Variants in ZNF474 observed in about 807,000 individuals in gnomAD.
The protein encoded by ZNF474 is zinc finger protein 474.
For synonymous variants in ZNF474, 192 were observed against 162.2 expected (o/e 1.18, Z -1.39); for missense variants, 511 against 433.8 (o/e 1.18, Z -1.58).
chr5:122,146,963 T>C (rs568027340), intron 1 of ZNF474, among the ~76,000 whole-genome samples: 6 of 152,364 alleles, frequency 3.9e-5, no homozygotes, highest in South Asian at 2.1e-4. Flanking sequence ...ACAAAGGAGC[T>C]TGTAGATGTG....
intron 1 of ZNF474, among the ~76,000 whole-genome samples, chr5:122,145,482 G>T (rs1338193290): frequency 6.6e-6 from 1 of 152,118 alleles, no homozygotes; most frequent in Non-Finnish European, 1.5e-5. Context: ...GTCATCTTTG[G>T]TCTATGAGTA....
In ZNF474 at chr5:122,132,632, T is replaced by C. The variant is rs116179068; in HGVS notation, c.-213+2949T>C. Among the ~76,000 whole-genome samples the C allele has an allele frequency of 2.3e-3, 351 of 152,314 alleles. 4 individuals carry two copies. The highest frequency in any genetic ancestry group is 8.3e-3 in the African/African-American group (347 of 41,584). On this transcript the variant is annotated intron_variant, in intron 1 of 1. Transcript: ENST00000296600. The stretch of plus-strand genomic sequence containing the variant: ...GTTTTATCATTTTTGCTTTTATATT[T>C]AGTTCCATGATCCATCTTGAGTTAA...
chr5:122,149,903 G>GTGTGTGTGTGTGTGTGTGTGTGTGTT (rs1186152932), intron 1 of ZNF474, among the ~76,000 whole-genome samples: 2 of 151,048 alleles, frequency 1.3e-5, no homozygotes, highest in African/African-American at 4.9e-5. Context: ...GTGTGTGTGT[G>GTGTGTGTGTGTGTGTGTGTGTGTGTT]TGTGTGTGTG....
chr5:122,138,732 C>A (rs1245931391), intron 1 of ZNF474, among the ~76,000 whole-genome samples: 2 of 151,856 alleles, frequency 1.3e-5, no homozygotes, highest in African/African-American at 4.8e-5. Flanking sequence ...ATCCCCTTGA[C>A]CCGGAAGAAA....
Position 122,151,973 on chromosome 5 carries a change from A to T in ZNF474, c.-18A>T. 6.2e-7 allele frequency: 1 copy of T among 1,600,604 alleles called. No individual in the cohort carries two copies. Among genetic ancestry groups the T allele is most frequent in the African/African-American group, 1.3e-5 (1 of 74,218 alleles). On this transcript the variant is annotated 5_prime_UTR_variant, in exon 2 of 2. Transcript: ENST00000296600. ...GGCCTGAAATCAGAGCAAGCACTACAGAAAGACATCTTTGTTAATGGAAAG... is the reference window on the plus strand; with the variant it reads ...GGCCTGAAATCAGAGCAAGCACTACTGAAAGACATCTTTGTTAATGGAAAG...
intron 1 of ZNF474, among the ~76,000 whole-genome samples, chr5:122,139,125 G>T (rs191200202): frequency 6.6e-6 from 1 of 152,092 alleles, no homozygotes; most frequent in Non-Finnish European, 1.5e-5. Flanking sequence ...TCTTATATAT[G>T]AAACATATGA....
chr5:122,130,893 A>T (rs1755559214), intron 1 of ZNF474, among the ~76,000 whole-genome samples: 2 of 152,116 alleles, frequency 1.3e-5, no homozygotes, highest in Non-Finnish European at 2.9e-5. Flanking sequence ...TTCAATTATT[A>T]TTAATTATAA....
At chr5:122,139,465 G>A (rs558461284) in intron 1 of ZNF474, among the ~76,000 whole-genome samples, 2 of 152,182 alleles carry the variant, frequency 1.3e-5, no homozygotes, top group Non-Finnish European at 2.9e-5. Context: ...AACTAAAAAG[G>A]ATCAAGATTT....
chr5:122,141,033 G>T (rs969411656), intron 1 of ZNF474, among the ~76,000 whole-genome samples: 1 of 151,604 alleles, frequency 6.6e-6, no homozygotes, highest in Non-Finnish European at 1.5e-5. Context: ...TTTTAGGTTA[G>T]GATTCCATAT....
rs146111697 is a variant in ZNF474, at chr5:122,142,642, T to C, written c.-212-9137T>C. 2.5e-3 allele frequency among the ~76,000 whole-genome samples: 375 copies of C among 152,236 alleles called. 2 individuals carry two copies. The highest frequency in any genetic ancestry group is 0.01 in the Middle Eastern group (3 of 294). The stretch of plus-strand genomic sequence containing the variant: ...ATAAGCTTTCCTGGGAAATGAGAAT[T>C]TGTAGGGCTGAGGATTCTGAATCAT... On this transcript the variant is annotated intron_variant, in intron 1 of 1. Transcript: ENST00000296600.
At chr5:122,144,069 C>T (rs1755922061) in intron 1 of ZNF474, among the ~76,000 whole-genome samples, 2 of 151,578 alleles carry the variant, frequency 1.3e-5, no homozygotes, top group Admixed American at 6.6e-5. Context: ...CTTCTATAAC[C>T]CTTTAATAAC....
At chr5:122,151,705 ATGTGTGTGTGTGTGTGTGTG>A (rs145270704) in intron 1 of ZNF474, 54 bp from the exon 2 acceptor site, 1 of 201,434 alleles carries the variant, frequency 5.0e-6, no homozygotes, top group Non-Finnish European at 9.8e-6. Flanking sequence ...AACAACCTAA[ATGTGTGTGTGTGTGTGTGTG>A]TGTGTGTGTG....
chr5:122,149,902 TG>T (rs1485380558), intron 1 of ZNF474, among the ~76,000 whole-genome samples: 1 of 150,812 alleles, frequency 6.6e-6, no homozygotes, highest in African/African-American at 2.5e-5. Context: ...TGTGTGTGTG[TG>T]TGTGTGTGTG....
At chr5:122,149,552 A>G (rs1309618149) in intron 1 of ZNF474, among the ~76,000 whole-genome samples, 2 of 152,220 alleles carry the variant, frequency 1.3e-5, no homozygotes, top group Non-Finnish European at 2.9e-5. Flanking sequence ...GAATTTAGGC[A>G]GAATGAATAA....
At chr5:122,140,671 C>T (rs1196721310) in intron 1 of ZNF474, among the ~76,000 whole-genome samples, 1 of 152,048 alleles carries the variant, frequency 6.6e-6, no homozygotes, top group Non-Finnish European at 1.5e-5. Context: ...AGTAAGGGAC[C>T]CCCATCTTTG....
rs777726363 is a variant in ZNF474, at chr5:122,152,646, C to G, written c.656C>G (p.Pro219Arg). ...GCTTGTAGTGGAACCCCAGCCCGACCAAGGACTGTTATCTGCTACATATGT... is the reference window on the plus strand; with the variant it reads ...GCTTGTAGTGGAACCCCAGCCCGACGAAGGACTGTTATCTGCTACATATGT... The part of the protein sequence containing the change: ...KKACSGTPAR[P>R]RTVICYICGK... The change falls in exon 2 of 2, where the codon CCA becomes CGA. Residue 219 changes from proline (P) to arginine (R), a missense_variant. Coordinates refer to ENST00000296600, the MANE Select transcript of ZNF474 (RefSeq NM_207317.3). The G allele has an allele frequency of 1.2e-6, 2 of 1,614,200 alleles. No homozygotes were observed. The highest frequency in any genetic ancestry group is 1.7e-5 in the Admixed American group (1 of 60,026).
chr5:122,131,788 G>T lies in ZNF474; in HGVS notation c.-213+2105G>T, dbSNP rs532116465. On this transcript the variant is annotated intron_variant, in intron 1 of 1. Coordinates refer to ENST00000296600, the MANE Select transcript of ZNF474 (RefSeq NM_207317.3). ...CTTTTCATGAACTTCTTGGAGATTT[G>T]TATCTTTTTAAAAATTATCTATTCA... is the stretch of plus-strand genomic sequence containing the variant. Among the ~76,000 whole-genome samples, 3 of 152,054 alleles carry T rather than the reference G, an allele frequency of 2.0e-5. No individual in the cohort carries two copies. In the South Asian group the frequency reaches 6.2e-4, roughly 32 times the overall value.
At chr5:122,140,872 C>G (rs1355948006) in intron 1 of ZNF474, among the ~76,000 whole-genome samples, 2 of 152,002 alleles carry the variant, frequency 1.3e-5, no homozygotes, top group Non-Finnish European at 2.9e-5. Flanking sequence ...CAGTATATTC[C>G]AAATTTTATC....
At chr5:122,148,505 C>T (rs556917485) in intron 1 of ZNF474, among the ~76,000 whole-genome samples, 12 of 152,282 alleles carry the variant, frequency 7.9e-5, no homozygotes, top group African/African-American at 2.6e-4. Flanking sequence ...CTGAGCACTA[C>T]CTGGCCTCTT....
Sources: gnomAD v4.1 joint callset for allele counts (sites outside exome capture counted in the v4.1 genomes callset) on GRCh38, gnomAD v4.1.1 for gene constraint, MANE v1.5 for transcripts, NCBI Gene and HGNC (gene_info 2026-07-23, HGNC 2026-07-21) for gene names.